Variants in MYO3A observed in about 807,000 individuals in gnomAD.
MYO3A encodes myosin-IIIa.
Under a neutral mutation model 192.7 loss-of-function variants are expected in MYO3A, and 180 were observed. The ratio of observed to expected loss-of-function variants is 0.93; its 90% confidence interval spans 0.83 to 1.06. The LOEUF is 1.06. Ranked by LOEUF, MYO3A falls within the 50% of genes least tolerant of loss-of-function variation. The pLI is 0.00. For missense variants in MYO3A, 1,896 were observed against 1,905.0 expected (o/e 1.00, Z 0.09); for synonymous variants, 628 against 645.3 (o/e 0.97, Z 0.41).
At chr10:25,963,280 G>A (rs1307898973) in intron 4 of MYO3A, among the ~76,000 whole-genome samples, 1 of 152,080 alleles carries the variant, frequency 6.6e-6, no homozygotes, top group Non-Finnish European at 1.5e-5. Context: ...CACATTTTCG[G>A]TCATCAAAGT....
chr10:25,980,236 C>T (rs971314290), intron 4 of MYO3A, among the ~76,000 whole-genome samples: 1 of 68,010 alleles, frequency 1.5e-5, no homozygotes, highest in East Asian at 4.6e-4. Flanking sequence ...GACTCCGTCT[C>T]AAAAAAAAAA....
chr10:26,060,937 A>G (rs574605453), intron 10 of MYO3A, among the ~76,000 whole-genome samples: 22 of 150,688 alleles, frequency 1.5e-4, no homozygotes, highest in Non-Finnish European at 2.2e-4. Flanking sequence ...ATTTTATTTT[A>G]TTTTTTTTTG....
At chr10:26,071,632 G>C (rs1835213552) in intron 14 of MYO3A, among the ~76,000 whole-genome samples, 1 of 152,038 alleles carries the variant, frequency 6.6e-6, no homozygotes, top group Admixed American at 6.5e-5. Flanking sequence ...CACACAACTA[G>C]TAAAGGACTT....
chr10:26,059,206 A>AT (rs138540702), intron 10 of MYO3A, among the ~76,000 whole-genome samples: 71,822 of 151,932 alleles, frequency 0.47, 17,816 homozygotes, highest in Middle Eastern at 0.59. Flanking sequence ...TGCATTAGCT[A>AT]TGACTTCCAC....
intron 6 of MYO3A, among the ~76,000 whole-genome samples, chr10:26,007,754 C>T (rs891323901): frequency 4.6e-5 from 7 of 150,744 alleles, no homozygotes; most frequent in Non-Finnish European, 1.0e-4. Flanking sequence ...AATGGAAGAA[C>T]ATTCCATGCT....
chr10:25,953,265 T>A (rs1837323050), intron 3 of MYO3A, among the ~76,000 whole-genome samples: 1 of 152,082 alleles, frequency 6.6e-6, no homozygotes, highest in Non-Finnish European at 1.5e-5. Context: ...CGTCTTAGGG[T>A]TGCTGTTTCT....
At chr10:26,012,451 C>G (rs564717280) in intron 6 of MYO3A, among the ~76,000 whole-genome samples, 11 of 152,164 alleles carry the variant, frequency 7.2e-5, no homozygotes, top group Middle Eastern at 6.8e-3. Context: ...CCAAAACGAC[C>G]AAGCTGAGAA....
At chr10:26,102,797 G>A (rs1182314614) in intron 17 of MYO3A, among the ~76,000 whole-genome samples, 1 of 152,240 alleles carries the variant, frequency 6.6e-6, no homozygotes, top group African/African-American at 2.4e-5. Flanking sequence ...TATATGAGGT[G>A]TCAGTCGGCC....
chr10:26,073,915 G>A (rs77324014), intron 14 of MYO3A, among the ~76,000 whole-genome samples: 1,712 of 152,080 alleles, frequency 0.011, 37 homozygotes, highest in African/African-American at 0.037. Context: ...ATTACATGAT[G>A]GCACATGTAA....
chr10:26,129,218 T>C (rs541078186), intron 20 of MYO3A, among the ~76,000 whole-genome samples: 6 of 152,350 alleles, frequency 3.9e-5, no homozygotes, highest in African/African-American at 1.4e-4. Flanking sequence ...ATGAACTTCA[T>C]TTTATTCAAA....
rs750248049 is a variant in MYO3A, at chr10:26,154,764, A to G, written c.2734A>G (p.Thr912Ala). The G allele has an allele frequency of 1.9e-5, 31 of 1,613,790 alleles. No homozygotes were observed. The highest frequency in any genetic ancestry group is 2.5e-5 in the Non-Finnish European group (29 of 1,179,862). Reference protein sequence around the residue: ...NLAKGDTGEATRHARETTNMK... With the variant: ...NLAKGDTGEAARHARETTNMK... The stretch of plus-strand genomic sequence containing the variant: ...TCCTTAGGGCGACACTGGAGAAGCC[A>G]CACGTCATGCCAGAGAGACAACCAA... The change falls in exon 25 of 35, where the codon ACA (threonine) becomes GCA (alanine). Residue 912 changes from threonine (T) to alanine (A), a missense_variant. By Grantham distance (58) the Thr-to-Ala change is moderately conservative. Coordinates refer to ENST00000642920, the MANE Select transcript of MYO3A (RefSeq NM_017433.5).
At chr10:26,066,946 C>T (rs777857833) in intron 10 of MYO3A, 29 bp from the exon 11 acceptor site, 5 of 1,517,290 alleles carry the variant, frequency 3.3e-6, no homozygotes, top group Non-Finnish European at 4.6e-6. Flanking sequence ...GTAATCAATT[C>T]TTAAATCAGA....
intron 4 of MYO3A, among the ~76,000 whole-genome samples, chr10:25,991,080 A>G (rs534672075): frequency 2.4e-4 from 36 of 152,190 alleles, no homozygotes; most frequent in Non-Finnish European, 4.4e-4. Flanking sequence ...TCCCTGAGGA[A>G]TCACCACACT....
At position 26,125,302 on chromosome 10, in the gene MYO3A, A is replaced by G. The variant is rs193179170; in HGVS notation, c.1904-96A>G. 5.4e-5 allele frequency: 56 copies of G among 1,042,612 alleles called. No individual in the cohort carries two copies. In the African/African-American group the frequency reaches 6.8e-4, roughly 13 times the overall value. 64.6% of individuals were successfully genotyped at this position (1,042,612 alleles called of 1,614,324 possible). ...TACATAATCTCCACACATTTAATTC[A>G]TGTCATTTGAAGAAGGCAGATTAAG... On this transcript the variant is annotated intron_variant, in intron 18 of 34. Coordinates refer to ENST00000642920, the MANE Select transcript of MYO3A (RefSeq NM_017433.5).
chr10:25,937,824 A>T (rs1836197506), intron 2 of MYO3A, among the ~76,000 whole-genome samples: 1 of 152,230 alleles, frequency 6.6e-6, no homozygotes, highest in Non-Finnish European at 1.5e-5. Context: ...AAGGGAATAA[A>T]ACATTGGTTA....
At chr10:26,199,101 A>C (rs931605126) in intron 32 of MYO3A, among the ~76,000 whole-genome samples, 4 of 152,188 alleles carry the variant, frequency 2.6e-5, no homozygotes, top group African/African-American at 9.6e-5. Flanking sequence ...CTAAGAGACA[A>C]ATGTAAGCCT....
At chr10:26,009,787 A>G (rs10828932) in intron 6 of MYO3A, among the ~76,000 whole-genome samples, 14,283 of 152,250 alleles carry the variant, frequency 0.094, 1,176 homozygotes, top group African/African-American at 0.21. Context: ...TAAAACAAGT[A>G]TTTTGGACTA....
intron 31 of MYO3A, among the ~76,000 whole-genome samples, chr10:26,181,853 C>A (rs1842631880): frequency 6.9e-6 from 1 of 144,428 alleles, no homozygotes; most frequent in South Asian, 2.2e-4. Flanking sequence ...CCTAAGGAAA[C>A]AATCAGAGCT....
At chr10:26,127,897 C>T (rs180812278) in intron 19 of MYO3A, among the ~76,000 whole-genome samples, 34 of 151,822 alleles carry the variant, frequency 2.2e-4, no homozygotes, top group Admixed American at 8.5e-4. Context: ...AAATTATAAG[C>T]AAATGATCCA....
Sources: allele counts gnomAD v4.1 joint callset (sites outside exome capture counted in the v4.1 genomes callset), GRCh38; gene constraint gnomAD v4.1.1; transcripts MANE v1.5; gene names NCBI Gene and HGNC (gene_info 2026-07-23, HGNC 2026-07-21).